ZFP82: variants seen among roughly 807,000 people sequenced by gnomAD.
ZFP82 encodes the protein zinc finger protein 82 homolog.
A neutral mutation model predicts 54.0 loss-of-function variants in ZFP82; 30 were observed. The observed-to-expected ratio is 0.56, with a 90% CI of 0.42 to 0.75. The LOEUF (loss-of-function observed/expected upper bound fraction) is 0.75, where lower values mean the gene tolerates loss of function less well. Among genes scored for constraint, ZFP82 ranks in the 30% least tolerant of loss-of-function variants. The probability of loss-of-function intolerance (pLI) is 0.00; values close to 1 mark genes in which losing one functional copy is unlikely to be tolerated. For synonymous variants in ZFP82, 194 were observed against 209.5 expected (o/e 0.93, Z 0.64); for missense variants, 500 against 636.8 (o/e 0.79, Z 2.31).
In ZFP82 at chr19:36,390,020, C is replaced by A. The variant is rs2032167883; in HGVS notation, c.*2721G>T. Among the ~76,000 whole-genome samples, 1 of 152,188 alleles carries A rather than the reference C, an allele frequency of 6.6e-6. No individual in the cohort carries two copies. The highest frequency in any genetic ancestry group is 2.4e-5 in the African/African-American group (1 of 41,450). On this transcript the variant is annotated 3_prime_UTR_variant, in exon 5 of 5. Coordinates refer to ENST00000392161, the MANE Select transcript of ZFP82 (RefSeq NM_133466.4). ...AAGCTTACCAGTGTGCCTACCCCTG[C>A]CTTGTCCATTCCTTCCCATGAAAAC... is the stretch of plus-strand genomic sequence containing the variant.
chr19:36,405,744 G>A, intron 3 of ZFP82, 72 bp from the exon 4 acceptor site: 4 of 1,134,070 alleles, frequency 3.5e-6, no homozygotes, highest in South Asian at 3.8e-5. Context: ...ATTCAGTCTT[G>A]GTTAAAGTAT....
rs955824425 is a variant in ZFP82, at chr19:36,405,584, A to G, written c.225T>C (p.Tyr75=). 2 of 1,609,138 alleles carry G rather than the reference A, an allele frequency of 1.2e-6. No homozygotes were observed. The highest frequency in any genetic ancestry group is 1.7e-5 in the Admixed American group (1 of 59,830). ...WKVVRKGRRQ[Y]PDLETKYETK... Reference sequence around the variant, plus strand: ...TCCTGCCCAACTAGCCCTCACCTGGATATTGTCTTCTTCCTTTCCTCACAA... The same window carrying G: ...TCCTGCCCAACTAGCCCTCACCTGGGTATTGTCTTCTTCCTTTCCTCACAA... Residue 75 remains tyrosine, a synonymous_variant, in exon 4 of 5, where the codon TAT becomes TAC. Coordinates refer to ENST00000392161, the MANE Select transcript of ZFP82 (RefSeq NM_133466.4).
At chr19:36,403,429 G>A (rs1454720947) in intron 4 of ZFP82, among the ~76,000 whole-genome samples, 1 of 150,186 alleles carries the variant, frequency 6.7e-6, no homozygotes, top group Non-Finnish European at 1.5e-5. Context: ...GACCAGCCTG[G>A]CCAAGATGGT....
At chr19:36,407,718 T>C (rs111616805) in intron 3 of ZFP82, among the ~76,000 whole-genome samples, 169 bp downstream of exon 3, 3 of 152,228 alleles carry the variant, frequency 2.0e-5, no homozygotes, top group African/African-American at 7.2e-5. Flanking sequence ...GGAAGGTCAA[T>C]GTGCTTAATG....
At chr19:36,385,496 G>A (rs193194329), downstream of ZFP82, among the ~76,000 whole-genome samples, 19 of 152,322 alleles carry the variant, frequency 1.2e-4, no homozygotes, top group Admixed American at 1.1e-3. Context: ...TAGGTAATGG[G>A]TAAGAGCTGA....
chr19:36,417,072 CAAAAAAAAAAAAA>C (rs140495874), intron 1 of ZFP82, among the ~76,000 whole-genome samples: 5 of 65,646 alleles, frequency 7.6e-5, no homozygotes, highest in East Asian at 1.1e-3. Flanking sequence ...GACCCTGTCT[CAAAAAAAAAAAAA>C]AAAAAAAAAA....
At chr19:36,399,585 G>C (rs2032350580) in intron 4 of ZFP82, among the ~76,000 whole-genome samples, 1 of 152,098 alleles carries the variant, frequency 6.6e-6, no homozygotes, top group Non-Finnish European at 1.5e-5. Flanking sequence ...CTCACAAGAG[G>C]CAACTATGTT....
intron 4 of ZFP82, among the ~76,000 whole-genome samples, chr19:36,396,588 G>A (rs929874457): frequency 3.3e-5 from 5 of 151,952 alleles, no homozygotes; most frequent in Non-Finnish European, 7.4e-5. Flanking sequence ...CCTGGGAGGC[G>A]GAGCTTGCAG....
downstream of ZFP82, among the ~76,000 whole-genome samples, chr19:36,386,471 C>T (rs1184326239): frequency 1.3e-5 from 2 of 152,204 alleles, no homozygotes; most frequent in South Asian, 4.1e-4. Flanking sequence ...AGAGGCCATC[C>T]CCAAGACCCC....
chr19:36,410,447 G>GTGTGTGTT (rs1228786569), intron 1 of ZFP82, among the ~76,000 whole-genome samples: 1 of 151,200 alleles, frequency 6.6e-6, no homozygotes, highest in African/African-American at 2.4e-5. Flanking sequence ...GTGTGTGTGT[G>GTGTGTGTT]TGTATATGTG....
intron 2 of ZFP82, among the ~76,000 whole-genome samples, chr19:36,408,826 A>AC (rs1568489977): frequency 6.6e-6 from 1 of 152,176 alleles, no homozygotes; most frequent in East Asian, 1.9e-4. Context: ...TCAAAAAAAA[A>AC]CAAACAAAAA....
chr19:36,418,331 C>G (rs2032707997), intron 1 of ZFP82, among the ~76,000 whole-genome samples, 161 bp downstream of exon 1: 1 of 151,990 alleles, frequency 6.6e-6, no homozygotes, highest in South Asian at 2.1e-4. Flanking sequence ...ACGCACTCCA[C>G]GGCCACAACA....
chr19:36,387,164 T>C (rs2032124811), downstream of ZFP82, among the ~76,000 whole-genome samples: 2 of 152,292 alleles, frequency 1.3e-5, no homozygotes, highest in South Asian at 2.1e-4. Flanking sequence ...CTAGATGAGA[T>C]TGAACTTCTG....
At chr19:36,388,367 T>TAAC (rs2032139617), downstream of ZFP82, among the ~76,000 whole-genome samples, 2 of 152,164 alleles carry the variant, frequency 1.3e-5, no homozygotes, top group Non-Finnish European at 2.9e-5. Flanking sequence ...TTATGGGTTA[T>TAAC]ATATTCTTTA....
chr19:36,391,290 G>A lies in ZFP82; in HGVS notation c.*1451C>T, dbSNP rs1484063862. On this transcript the variant is annotated 3_prime_UTR_variant, in exon 5 of 5. Transcript: ENST00000392161. Reference sequence around the variant, plus strand: ...GGAGTGGTCATGATAAAAGGACACAGGAGCCAATTTGAGGGGATTGCCTCA... The same window carrying A: ...GGAGTGGTCATGATAAAAGGACACAAGAGCCAATTTGAGGGGATTGCCTCA... The A allele has an allele frequency of 6.6e-6, 1 of 151,286 alleles. No homozygotes were observed. Among genetic ancestry groups the A allele is most frequent in the African/African-American group, 2.4e-5 (1 of 41,202 alleles). 9.4% of individuals were successfully genotyped at this position (151,286 alleles called of 1,614,324 possible).
At chr19:36,385,129 C>A (rs2032101556), downstream of ZFP82, among the ~76,000 whole-genome samples, 1 of 152,168 alleles carries the variant, frequency 6.6e-6, no homozygotes, top group African/African-American at 2.4e-5. Flanking sequence ...CATGAGGAGT[C>A]TGCCCTTAGG....
chr19:36,385,025 T>G (rs554455012), downstream of ZFP82, among the ~76,000 whole-genome samples: 47 of 152,204 alleles, frequency 3.1e-4, no homozygotes, highest in Non-Finnish European at 6.5e-4. Flanking sequence ...GTGGTTTGAA[T>G]GTGTCCCCCA....
Position 36,393,101 on chromosome 19 carries a change from C to G in ZFP82, c.1239G>C (p.Gln413His). ...FSRYSQLISH[Q>H]SIHIGVKPYD... ...AGGGCTTAACACCAATATGAATACT[C>G]TGATGTGAAATAAGTTGTGAGTAGC... is the stretch of plus-strand genomic sequence containing the variant. Residue 413 changes from glutamine to histidine, a missense_variant, in exon 5 of 5, where the codon CAG (glutamine) becomes CAC (histidine). Transcript: ENST00000392161. 1 of 1,610,420 alleles carries G rather than the reference C, an allele frequency of 6.2e-7. No homozygotes were observed. The highest frequency in any genetic ancestry group is 8.5e-7 in the Non-Finnish European group (1 of 1,179,066).
chr19:36,403,894 A>C (rs770262959), intron 4 of ZFP82, among the ~76,000 whole-genome samples: 4 of 152,168 alleles, frequency 2.6e-5, no homozygotes, highest in Non-Finnish European at 5.9e-5. Flanking sequence ...TCATTTTTGT[A>C]GTCTTTTATT....
Sources: allele counts gnomAD v4.1 joint callset (sites outside exome capture counted in the v4.1 genomes callset), GRCh38; gene constraint gnomAD v4.1.1; transcripts MANE v1.5; gene names NCBI Gene and HGNC (gene_info 2026-07-23, HGNC 2026-07-21).